CSAD: variants seen among roughly 807,000 people sequenced by gnomAD.
CSAD encodes P-selectin cytoplasmic tail-associated protein.
CSAD carries 47 observed loss-of-function variants against 61.5 expected under a neutral mutation model. That is an observed-to-expected ratio of 0.76 (90% CI 0.60 to 0.97). The LOEUF is 0.97. Among genes scored for constraint, CSAD ranks in the 50% least tolerant of loss-of-function variants. The probability of loss-of-function intolerance (pLI) is 0.00; values close to 1 mark genes in which losing one functional copy is unlikely to be tolerated. For synonymous variants in CSAD, 245 were observed against 252.7 expected, an observed-to-expected ratio of 0.97 and a Z score of 0.29; for missense variants, 611 against 643.6, an observed-to-expected ratio of 0.95 and a Z score of 0.55.
intron 10 of CSAD, among the ~76,000 whole-genome samples, chr12:53,166,614 A>G (rs1466572093): frequency 6.6e-6 from 1 of 152,028 alleles, no homozygotes; most frequent in Admixed American, 6.6e-5. Context: ...CCTGGCCAAC[A>G]TGGCAAAACC....
At chr12:53,181,342 T>A (rs755073240), upstream of CSAD, 7 of 985,336 alleles carry the variant, frequency 7.1e-6, no homozygotes, top group Non-Finnish European at 8.4e-6. Context: ...TTGCCGCCTC[T>A]GTAAAGTGCG....
rs746315360 is a variant in CSAD, at chr12:53,161,298, C to T, written c.794G>A (p.Arg265His). The part of the protein sequence containing the change: ...PLEAIADVCQ[R>H]HGLWLHVDAA... ...ATCCACATGCAGCCATAGCCCATGA[C>T]GCTGGCACACATCAGCAATTGCCTC... The change falls in exon 11 of 17, where the codon CGT becomes CAT. Residue 265 changes from arginine to histidine, a missense_variant. Arg to His is a conservative substitution (Grantham distance 29, BLOSUM62 0). Transcript: ENST00000444623. The T allele has an allele frequency of 3.2e-5, 52 of 1,613,972 alleles. No homozygotes were observed. The Admixed American group carries it at 4.7e-4, about 14-fold the overall frequency.
At chr12:53,171,098 A>G in intron 8 of CSAD, 1 of 681,216 alleles carries the variant, frequency 1.5e-6, no homozygotes, top group Non-Finnish European at 2.7e-6. Flanking sequence ...TAGGAAGAGT[A>G]TGGACTGTGT....
chr12:53,172,633 C>G lies in CSAD; in HGVS notation c.142G>C (p.Glu48Gln). 1 of 1,607,642 alleles carries G rather than the reference C, an allele frequency of 6.2e-7. No individual in the cohort carries two copies. Among genetic ancestry groups the G allele is most frequent in the Non-Finnish European group, 8.5e-7 (1 of 1,177,920 alleles). ...AGCAGCTGCTTCAGCTCCTCAGGCT[C>G]CTTCCACTCACAGACCTAGGAAGAG... ...SVSQKVCEWK[E>Q]PEELKQLLDL... Residue 48 changes from glutamate to glutamine, a missense_variant, in exon 5 of 17, where the codon GAG (glutamate) becomes CAG (glutamine). Transcript: ENST00000444623.
chr12:53,160,230 C>G lies in CSAD; in HGVS notation c.1056G>C (p.Lys352Asn). 6.2e-7 allele frequency: 1 copy of G among 1,614,248 alleles called. No homozygotes were observed. Among genetic ancestry groups the G allele is most frequent in the South Asian group, 1.1e-5 (1 of 91,090 alleles). Residue 352 changes from lysine (K) to asparagine (N), a missense_variant, in exon 14 of 17, where the codon AAG becomes AAC. Coordinates refer to ENST00000444623, the MANE Select transcript of CSAD (RefSeq NM_001244705.2). ...FYDVALDTGDKVVQCGRRVDC... is the reference protein window; with the variant it reads ...FYDVALDTGDNVVQCGRRVDC... ...CCACACGGCGGCCACACTGCACCAC[C>G]TTGTCTCCCGTGTCCAGAGCCACAT...
intron 12 of CSAD, 124 bp downstream of exon 12, chr12:53,161,003 T>TC: frequency 2.6e-6 from 3 of 1,162,432 alleles, no homozygotes; most frequent in Non-Finnish European, 3.8e-6. Context: ...CTCCAATCAA[T>TC]CCTCTCTCCA....
chr12:53,171,511 C>T (rs1324370241), intron 7 of CSAD, 70 bp from the exon 8 acceptor site: 3 of 1,461,812 alleles, frequency 2.1e-6, no homozygotes, highest in Admixed American at 2.0e-5. Flanking sequence ...CCTCCCTTCC[C>T]TTTCTACCAG....
chr12:53,173,434 C>G lies in CSAD; in HGVS notation c.37G>C (p.Asp13His), dbSNP rs1318184794. 6.2e-7 allele frequency: 1 copy of G among 1,614,192 alleles called. No individual in the cohort carries two copies. Among genetic ancestry groups the G allele is most frequent in the East Asian group, 2.2e-5 (1 of 44,884 alleles). ...DSEALPSLAG[D>H]PVAVEALLRA... ...AGCAAGGCTTCCACAGCCACTGGGT[C>G]CCCAGCAAGGGAGGGGAGTGCTTCT... Residue 13 changes from aspartate to histidine, a missense_variant, in exon 4 of 17, where the codon GAC (aspartate) becomes CAC (histidine). Asp to His is a moderately conservative substitution (Grantham distance 81). Transcript: ENST00000444623.
chr12:53,170,151 G>A, intron 9 of CSAD, 25 bp from the exon 10 acceptor site: 2 of 1,608,496 alleles, frequency 1.2e-6, no homozygotes, highest in Non-Finnish European at 1.7e-6. Context: ...GCAGAGGGTA[G>A]AGCAGGGACA....
At position 53,161,259 on chromosome 12, in the gene CSAD, G is replaced by A. The variant is rs202172760; in HGVS notation, c.819+14C>T. ...GCCCACCCCACCGCACCCCCAAGCCGAAGTCCCACTCACATCCACATGCAG... is the reference window on the plus strand; with the variant it reads ...GCCCACCCCACCGCACCCCCAAGCCAAAGTCCCACTCACATCCACATGCAG... On this transcript the variant is annotated intron_variant, in intron 11 of 16. Coordinates refer to ENST00000444623, the MANE Select transcript of CSAD (RefSeq NM_001244705.2). 2.9e-5 allele frequency: 47 copies of A among 1,613,598 alleles called. No individual in the cohort carries two copies. The highest frequency in any genetic ancestry group is 2.2e-4 in the South Asian group (20 of 91,082).
chr12:53,179,979 C>A, intron 1 of CSAD: 1 of 1,507,972 alleles, frequency 6.6e-7, no homozygotes, highest in Admixed American at 2.3e-5. Context: ...GGGTCTTTTC[C>A]ACGTGTGGAG....
intron 8 of CSAD, 70 bp from the exon 9 acceptor site, chr12:53,170,572 G>T (rs980142449): frequency 8.4e-7 from 1 of 1,196,846 alleles, no homozygotes; most frequent in Non-Finnish European, 1.2e-6. Flanking sequence ...AAAGTCAAGT[G>T]TGAGCTCCAA....
At chr12:53,171,187 G>A (rs1940533559) in intron 8 of CSAD, 139 bp downstream of exon 8, 1 of 1,315,452 alleles carries the variant, frequency 7.6e-7, no homozygotes, top group Non-Finnish European at 1.1e-6. Context: ...CTCCTTGATT[G>A]GAAGGAAGCA....
chr12:53,172,583 G>T lies in CSAD; in HGVS notation c.192C>A (p.Gly64=). ...QLLDLELRSQ[G]ESQKQILERC... ...GCTCCAGGATCTGCTTCTGTGACTC[G>T]CCCTGGCTCCGCAGCTCCAAATCCA... is the stretch of plus-strand genomic sequence containing the variant. The change falls in exon 5 of 17, where the codon GGC becomes GGA. Residue 64 remains glycine, a synonymous_variant. Coordinates refer to ENST00000444623, the MANE Select transcript of CSAD (RefSeq NM_001244705.2). 1 of 1,612,318 alleles carries T rather than the reference G, an allele frequency of 6.2e-7. No individual in the cohort carries two copies. The highest frequency in any genetic ancestry group is 1.1e-5 in the South Asian group (1 of 90,696).
chr12:53,159,845 G>A (rs1939045486), intron 15 of CSAD, 42 bp downstream of exon 15: 1 of 1,564,844 alleles, frequency 6.4e-7, no homozygotes, highest in Non-Finnish European at 8.7e-7. Flanking sequence ...CTGCAAAAGA[G>A]CTAGGCTGGG....
intron 10 of CSAD, among the ~76,000 whole-genome samples, chr12:53,169,118 T>C (rs763538085): frequency 6.6e-6 from 1 of 151,706 alleles, no homozygotes; most frequent in Non-Finnish European, 1.5e-5. Context: ...AGGTGGAAGT[T>C]GCAGTGAGCC....
chr12:53,180,673 GA>G, intron 1 of CSAD, 58 bp downstream of exon 1: 3 of 1,277,750 alleles, frequency 2.3e-6, no homozygotes, highest in Non-Finnish European at 3.0e-6. Context: ...CGGAGAGGAC[GA>G]GGGGGAGGGG....
intron 1 of CSAD, chr12:53,180,075 G>A (rs1759334416): frequency 2.1e-6 from 3 of 1,396,690 alleles, no homozygotes; most frequent in South Asian, 1.6e-5. Context: ...TCGCAGAGGA[G>A]GGCTGGGGCT....
chr12:53,178,254 C>G (rs1336706559), intron 2 of CSAD: 1 of 423,200 alleles, frequency 2.4e-6, no homozygotes, highest in Admixed American at 2.6e-5. Flanking sequence ...CAATGGATAG[C>G]TTGAGCCTAG....
Sources: gnomAD v4.1 joint callset for allele counts (sites outside exome capture counted in the v4.1 genomes callset) on GRCh38, gnomAD v4.1.1 for gene constraint, MANE v1.5 for transcripts, NCBI Gene and HGNC (gene_info 2026-07-23, HGNC 2026-07-21) for gene names.